The following PPARG variants were observed in gnomAD, a reference collection of about 807,000 sequenced individuals.
PPARG encodes peroxisome proliferator-activated receptor gamma.
PPARG carries 17 observed loss-of-function variants against 39.2 expected under a neutral mutation model. The observed-to-expected ratio is 0.43, with a 90% confidence interval of 0.30 to 0.65. The LOEUF is 0.65. Among genes scored for constraint, PPARG ranks in the 30% least tolerant of loss-of-function variants. The pLI, the probability that PPARG is intolerant of heterozygous loss-of-function variation, is 0.13. For synonymous variants in PPARG, 223 were observed against 215.7 expected (o/e 1.03, Z -0.30); for missense variants, 406 against 585.9 (o/e 0.69, Z 3.17).
chr3:12,434,155 C>G lies in PPARG; in HGVS notation c.*10C>G. 6.2e-7 allele frequency: 1 copy of G among 1,614,178 alleles called. No homozygotes were observed. The highest frequency in any genetic ancestry group is 8.5e-7 in the Non-Finnish European group (1 of 1,180,020). ...CAAGGACTTGTACTAGCAGAGAGTC[C>G]TGAGCCACTGCCAACATTTCCCTTC... On this transcript the variant is annotated 3_prime_UTR_variant, in exon 8 of 8. Transcript: ENST00000651735. This position sits in a 1 kb window ranked among gnomAD's most constrained non-coding sequence, Gnocchi z 4.2.
rs1271653711 is a variant in PPARG, at chr3:12,379,688, C to G, written c.-8-16C>G. On this transcript the variant is annotated splice_polypyrimidine_tract_variant and intron_variant, in intron 2 of 7. Coordinates refer to ENST00000651735, the MANE Select transcript of PPARG (RefSeq NM_138711.6). ...TCTAGGACTTAACTTCACAGCTAGTCTATTTTTCCTTTCAGAAATGACCAT... is the reference window on the plus strand; with the variant it reads ...TCTAGGACTTAACTTCACAGCTAGTGTATTTTTCCTTTCAGAAATGACCAT... 6.2e-7 allele frequency: 1 copy of G among 1,604,326 alleles called. No homozygotes were observed. Among genetic ancestry groups the G allele is most frequent in the Non-Finnish European group, 8.5e-7 (1 of 1,171,220 alleles).
intron 2 of PPARG, among the ~76,000 whole-genome samples, chr3:12,358,276 T>A (rs529797233): frequency 6.6e-6 from 1 of 152,332 alleles, no homozygotes; most frequent in African/African-American, 2.4e-5. Flanking sequence ...AAAACACTTA[T>A]TTGCTAGCAA....
intron 2 of PPARG, among the ~76,000 whole-genome samples, chr3:12,315,989 A>G (rs1405234562): frequency 6.6e-6 from 1 of 152,212 alleles, no homozygotes; most frequent in Non-Finnish European, 1.5e-5. Context: ...TTGAATGGGA[A>G]GAGGAGAGAA....
intron 2 of PPARG, among the ~76,000 whole-genome samples, chr3:12,364,651 C>A (rs1208223569): frequency 1.3e-5 from 2 of 152,146 alleles, no homozygotes; most frequent in Non-Finnish European, 2.9e-5. Context: ...AGTGGCTGTA[C>A]CATTCATCAG....
intron 2 of PPARG, among the ~76,000 whole-genome samples, chr3:12,329,481 T>C (rs1159333852): frequency 1.3e-5 from 2 of 152,246 alleles, no homozygotes; most frequent in Admixed American, 6.5e-5. Context: ...TGTACACTTA[T>C]TACTGCTAAT....
In PPARG at chr3:12,377,827, G is replaced by A. The variant is rs1393959977; in HGVS notation, c.-8-1877G>A. On this transcript the variant is annotated intron_variant, in intron 2 of 7. Coordinates refer to ENST00000651735, the MANE Select transcript of PPARG (RefSeq NM_138711.6). ...AGTGAAAAGCCAGCCTACAGAATAG[G>A]GGAATCTGTACATCTGATATGAAGT... Among the ~76,000 whole-genome samples the A allele has an allele frequency of 2.6e-5, 4 of 152,082 alleles. No homozygotes were observed. In the East Asian group the frequency reaches 7.7e-4, roughly 29 times the overall value.
intron 2 of PPARG, among the ~76,000 whole-genome samples, chr3:12,376,919 C>G (rs545195912): frequency 6.6e-6 from 1 of 152,194 alleles, no homozygotes; most frequent in East Asian, 1.9e-4. Flanking sequence ...AGCAGCTCAT[C>G]TCTGTCTCCC....
intron 1 of PPARG, among the ~76,000 whole-genome samples, chr3:12,304,886 T>C (rs1396641284): frequency 6.6e-6 from 1 of 152,234 alleles, no homozygotes; most frequent in Non-Finnish European, 1.5e-5. Context: ...CCTTAATTTC[T>C]TAATATTTAA....
chr3:12,359,207 A>G (rs900799965), intron 2 of PPARG, among the ~76,000 whole-genome samples: 2 of 152,188 alleles, frequency 1.3e-5, no homozygotes, highest in Admixed American at 6.5e-5. Context: ...AACACCTTGC[A>G]CGTAGTATTA....
intron 5 of PPARG, among the ~76,000 whole-genome samples, chr3:12,397,023 T>C (rs1040206108): frequency 1.3e-5 from 2 of 152,250 alleles, no homozygotes; most frequent in African/African-American, 2.4e-5. Flanking sequence ...TAGAGAAGAA[T>C]TGACATGTTA....
At chr3:12,373,271 G>A (rs138779828) in intron 2 of PPARG, among the ~76,000 whole-genome samples, 2,314 of 152,226 alleles carry the variant, frequency 0.015, 27 homozygotes, top group Non-Finnish European at 0.022. Context: ...AGGTCAAGGT[G>A]TCCCAGAGTA....
chr3:12,349,689 A>G (rs911141163), intron 2 of PPARG, among the ~76,000 whole-genome samples: 7 of 152,234 alleles, frequency 4.6e-5, no homozygotes, highest in Non-Finnish European at 1.0e-4. Flanking sequence ...CATGAAATGT[A>G]ATGAGTAAGA....
intron 4 of PPARG, among the ~76,000 whole-genome samples, chr3:12,383,681 A>C (rs150606917): frequency 4.3e-4 from 66 of 152,286 alleles, no homozygotes; most frequent in African/African-American, 1.4e-3. Flanking sequence ...ACTTTTAAGC[A>C]AATAGTTCCA....
intron 7 of PPARG, 52 bp from the exon 8 acceptor site, chr3:12,433,833 AAGGCGGGGCCCAG>A: frequency 6.2e-7 from 1 of 1,611,002 alleles, no homozygotes; most frequent in Non-Finnish European, 8.5e-7. Flanking sequence ...CTAGGCCTCC[AAGGCGGGGCCCAG>A]AGGATTTTTT....
intron 4 of PPARG, among the ~76,000 whole-genome samples, chr3:12,387,809 T>G (rs1204274352): frequency 1.3e-5 from 2 of 152,230 alleles, no homozygotes; most frequent in African/African-American, 2.4e-5. Flanking sequence ...ATATCCTGAA[T>G]GGTATTGCCT....
At chr3:12,338,126 A>G (rs1021235905) in intron 2 of PPARG, among the ~76,000 whole-genome samples, 1 of 152,236 alleles carries the variant, frequency 6.6e-6, no homozygotes, top group Non-Finnish European at 1.5e-5. Flanking sequence ...TTGGAAGGCA[A>G]TCATTATTCA....
chr3:12,362,020 A>G (rs1366922337), intron 2 of PPARG, among the ~76,000 whole-genome samples: 2 of 152,118 alleles, frequency 1.3e-5, no homozygotes, highest in East Asian at 3.9e-4. Context: ...AGTTTTCATT[A>G]TGGAGATCTT....
intron 1 of PPARG, among the ~76,000 whole-genome samples, chr3:12,303,852 T>A (rs2046990433): frequency 6.6e-6 from 1 of 152,214 alleles, no homozygotes; most frequent in African/African-American, 2.4e-5. Context: ...GTAACTAAGG[T>A]GCCATGATTC....
chr3:12,310,052 G>A (rs530375026), intron 1 of PPARG, among the ~76,000 whole-genome samples: 2 of 152,276 alleles, frequency 1.3e-5, no homozygotes, highest in African/African-American at 4.8e-5. Context: ...AATGGATCTT[G>A]TCTCTGCCCT....
Sources: allele counts gnomAD v4.1 joint callset (sites outside exome capture counted in the v4.1 genomes callset), GRCh38; gene constraint gnomAD v4.1.1; non-coding constraint Gnocchi (gnomAD v3.1); transcripts MANE v1.5; gene names NCBI Gene and HGNC (gene_info 2026-07-23, HGNC 2026-07-21).